The following TBXAS1 variants were observed in gnomAD, a reference collection of about 807,000 sequenced individuals.
The protein encoded by TBXAS1 is thromboxane-A synthase.
TBXAS1 carries 48 observed loss-of-function variants against 60.7 expected under a neutral mutation model. The observed-to-expected ratio is 0.79, with a 90% CI of 0.63 to 1.01. TBXAS1 has a LOEUF of 1.01. Among genes scored for constraint, TBXAS1 ranks in the 50% least tolerant of loss-of-function variants. TBXAS1 has a pLI of 0.00. For missense variants in TBXAS1, 685 were observed against 686.3 expected (o/e 1.00, Z 0.02); for synonymous variants, 287 against 269.7 (o/e 1.06, Z -0.63).
At chr7:139,840,308 G>C (rs1459772147) in intron 1 of TBXAS1, among the ~76,000 whole-genome samples, 1 of 152,134 alleles carries the variant, frequency 6.6e-6, no homozygotes, top group African/African-American at 2.4e-5. Flanking sequence ...GGCACAATGG[G>C]AGGTGAGCTC....
chr7:139,914,744 T>C (rs958840625), intron 4 of TBXAS1, among the ~76,000 whole-genome samples: 3 of 152,200 alleles, frequency 2.0e-5, no homozygotes, highest in Non-Finnish European at 2.9e-5. Context: ...TGTGTGTCAC[T>C]CGTTGTCACA....
At chr7:139,929,525 G>A (rs1334606593) in intron 4 of TBXAS1, among the ~76,000 whole-genome samples, 1 of 152,296 alleles carries the variant, frequency 6.6e-6, no homozygotes, top group East Asian at 1.9e-4. Flanking sequence ...ATCGAAAAAG[G>A]TTGCTTTATG....
intron 4 of TBXAS1, among the ~76,000 whole-genome samples, chr7:139,806,750 A>G (rs1178395141): frequency 6.6e-6 from 1 of 151,632 alleles, no homozygotes; most frequent in Non-Finnish European, 1.5e-5. Flanking sequence ...TGCCCTCCCC[A>G]TCCTCCCTCT....
chr7:139,786,058 TTTTG>T (rs908873175), intron 3 of TBXAS1, among the ~76,000 whole-genome samples: 4 of 149,798 alleles, frequency 2.7e-5, no homozygotes, highest in African/African-American at 9.9e-5. Flanking sequence ...AGGGTTTTTT[TTTTG>T]TTTGTTTGTT....
At chr7:139,972,365 A>G (rs959547466) in intron 9 of TBXAS1, among the ~76,000 whole-genome samples, 12 of 152,184 alleles carry the variant, frequency 7.9e-5, no homozygotes, top group African/African-American at 2.7e-4. Flanking sequence ...CAAGAATGAA[A>G]AATAAACTTG....
intron 9 of TBXAS1, chr7:139,962,935 G>C (rs1462237138): frequency 2.0e-5 from 3 of 152,716 alleles, no homozygotes; most frequent in Non-Finnish European, 2.9e-5. Context: ...GACCACCACA[G>C]TGGAATCCTT....
intron 4 of TBXAS1, among the ~76,000 whole-genome samples, chr7:139,914,192 G>A (rs953113314): frequency 2.0e-5 from 3 of 151,342 alleles, no homozygotes; most frequent in African/African-American, 7.3e-5. Context: ...ACCATGCCTG[G>A]CTAATTTTAA....
intron 3 of TBXAS1, among the ~76,000 whole-genome samples, chr7:139,900,364 C>T (rs927461217): frequency 6.6e-6 from 1 of 152,106 alleles, no homozygotes; most frequent in Non-Finnish European, 1.5e-5. Context: ...TGGATGAACC[C>T]GGATCCCACC....
chr7:139,875,190 G>A (rs1802136693), intron 2 of TBXAS1, among the ~76,000 whole-genome samples: 1 of 152,178 alleles, frequency 6.6e-6, no homozygotes, highest in South Asian at 2.1e-4. Flanking sequence ...TAACTCGAAT[G>A]GATCATGATA....
At chr7:139,949,747 C>A (rs1483243812) in intron 5 of TBXAS1, among the ~76,000 whole-genome samples, 1 of 152,170 alleles carries the variant, frequency 6.6e-6, no homozygotes, top group East Asian at 1.9e-4. Flanking sequence ...TGAGGTAAAT[C>A]ACATTTCTGT....
chr7:139,948,986 C>G (rs1026581619), intron 5 of TBXAS1, among the ~76,000 whole-genome samples: 3 of 152,232 alleles, frequency 2.0e-5, no homozygotes, highest in African/African-American at 7.2e-5. Flanking sequence ...CATGCCCCAT[C>G]TCATATCACA....
chr7:139,866,087 G>A (rs1459813225), intron 1 of TBXAS1, among the ~76,000 whole-genome samples: 1 of 152,182 alleles, frequency 6.6e-6, no homozygotes, highest in African/African-American at 2.4e-5. Flanking sequence ...TTAGAAAAAA[G>A]TTTTATGAGA....
intron 3 of TBXAS1, among the ~76,000 whole-genome samples, chr7:139,900,049 C>A (rs1054826638): frequency 6.6e-6 from 1 of 152,296 alleles, no homozygotes; most frequent in East Asian, 1.9e-4. Context: ...TAGAATGAAG[C>A]CTGGTCAATA....
intron 4 of TBXAS1, among the ~76,000 whole-genome samples, chr7:139,809,169 A>G (rs1427250606): frequency 1.3e-5 from 2 of 151,810 alleles, no homozygotes; most frequent in Non-Finnish European, 2.9e-5. Flanking sequence ...AGATAGATAG[A>G]TAGATAGATA....
At position 139,863,484 on chromosome 7, in the gene TBXAS1, G is replaced by T. The variant is rs189804964; in HGVS notation, c.90-8751G>T. 3.9e-3 allele frequency among the ~76,000 whole-genome samples: 588 copies of T among 152,222 alleles called. 3 individuals are homozygous for T. Among genetic ancestry groups the T allele is most frequent in the Middle Eastern group, 6.8e-3 (2 of 294 alleles). On this transcript the variant is annotated intron_variant, in intron 1 of 12. Transcript: ENST00000448866. ...ACAGAATTGAAAAAACAATAGGAAGGTCTTGTAACTCCAACATATCTGTTC... is the reference window on the plus strand; with the variant it reads ...ACAGAATTGAAAAAACAATAGGAAGTTCTTGTAACTCCAACATATCTGTTC...
chr7:139,795,565 G>C (rs1354447939), intron 4 of TBXAS1, among the ~76,000 whole-genome samples: 2 of 137,438 alleles, frequency 1.5e-5, no homozygotes, highest in Non-Finnish European at 3.1e-5. Context: ...ATTGCTTTTG[G>C]TGTTTTAGAC....
chr7:140,015,796 G>A lies in TBXAS1; in HGVS notation c.1300G>A (p.Ala434Thr). 6.2e-7 allele frequency: 1 copy of A among 1,613,732 alleles called. No homozygotes were observed. Residue 434 changes from alanine to threonine, a missense_variant, in exon 11 of 13, where the codon GCC becomes ACC. Ala to Thr is a moderately conservative substitution (Grantham distance 58). Transcript: ENST00000448866. ...CCCCGCAGGCGCTGTGCTAGAGATG[G>A]CCGTGGGTGCCCTGCACCATGACCC... is the stretch of plus-strand genomic sequence containing the variant. Reference protein sequence around the residue: ...RIPAGAVLEMAVGALHHDPEH... With the variant: ...RIPAGAVLEMTVGALHHDPEH...
chr7:139,790,327 A>G (rs1235824826), intron 4 of TBXAS1, among the ~76,000 whole-genome samples: 1 of 152,228 alleles, frequency 6.6e-6, no homozygotes, highest in African/African-American at 2.4e-5. Context: ...TATTACTACT[A>G]AATGCATTAT....
At chr7:139,944,092 G>A (rs1200867217) in intron 5 of TBXAS1, among the ~76,000 whole-genome samples, 1 of 152,100 alleles carries the variant, frequency 6.6e-6, no homozygotes, top group African/African-American at 2.4e-5. Flanking sequence ...AGAGAAACAA[G>A]GTACATAAAT....
Sources: allele counts gnomAD v4.1 joint callset (sites outside exome capture counted in the v4.1 genomes callset), GRCh38; gene constraint gnomAD v4.1.1; transcripts MANE v1.5; gene names NCBI Gene and HGNC (gene_info 2026-07-23, HGNC 2026-07-21).